The following SNX9 variants were observed in gnomAD, a reference collection of about 807,000 sequenced individuals.
SNX9 encodes the protein sorting nexin-9.
In SNX9, 44 loss-of-function variants were observed where a neutral mutation model predicts 89.4. That is an observed-to-expected ratio of 0.49 (90% CI 0.39 to 0.63). The LOEUF (loss-of-function observed/expected upper bound fraction) is 0.63, where lower values mean the gene tolerates loss of function less well. Among genes scored for constraint, SNX9 ranks in the 30% least tolerant of loss-of-function variants. The pLI is 0.00. For synonymous variants in SNX9, 236 were observed against 247.8 expected, an observed-to-expected ratio of 0.95 and a Z score of 0.45; for missense variants, 578 against 736.1, an observed-to-expected ratio of 0.79 and a Z score of 2.49.
At chr6:157,937,049 C>T (rs1269688224) in intron 14 of SNX9, among the ~76,000 whole-genome samples, 1 of 147,080 alleles carries the variant, frequency 6.8e-6, no homozygotes, top group African/African-American at 2.6e-5. Flanking sequence ...TTAAAATTAC[C>T]ACTTAAAATG....
intron 15 of SNX9, among the ~76,000 whole-genome samples, chr6:157,938,044 A>G (rs1197850697): frequency 6.6e-6 from 1 of 152,260 alleles, no homozygotes; most frequent in African/African-American, 2.4e-5. Flanking sequence ...ATGCATGAGT[A>G]TAGAGTTGTT....
At chr6:157,903,223 G>A (rs1238151455) in intron 6 of SNX9, among the ~76,000 whole-genome samples, 1 of 152,044 alleles carries the variant, frequency 6.6e-6, no homozygotes, top group Admixed American at 6.6e-5. Flanking sequence ...ATGATTCAAG[G>A]CAGATATCAA....
intron 13 of SNX9, among the ~76,000 whole-genome samples, chr6:157,932,774 G>T (rs1027648465): frequency 6.6e-6 from 1 of 150,804 alleles, no homozygotes; most frequent in Non-Finnish European, 1.5e-5. Flanking sequence ...GGCTGAGGTG[G>T]GAGGATCACT....
chr6:157,892,197 G>A (rs779937542), intron 4 of SNX9, among the ~76,000 whole-genome samples: 7 of 152,176 alleles, frequency 4.6e-5, no homozygotes, highest in African/African-American at 7.2e-5. Flanking sequence ...TTACCGTGAC[G>A]AGGTGTCTGT....
At chr6:157,901,750 A>T in intron 5 of SNX9, 148 bp from the exon 6 acceptor site, 1 of 811,770 alleles carries the variant, frequency 1.2e-6, no homozygotes, top group Non-Finnish European at 1.9e-6. Context: ...CTTAACATCC[A>T]TATTATACTC....
chr6:157,884,110 G>A (rs1782684646), intron 4 of SNX9, among the ~76,000 whole-genome samples: 1 of 152,122 alleles, frequency 6.6e-6, no homozygotes, highest in East Asian at 1.9e-4. Flanking sequence ...GTCCATCACT[G>A]GCCTGTTATT....
At chr6:157,910,891 G>C (rs1189511831) in intron 9 of SNX9, among the ~76,000 whole-genome samples, 1 of 152,168 alleles carries the variant, frequency 6.6e-6, no homozygotes, top group Non-Finnish European at 1.5e-5. Context: ...GGAGGCCGAG[G>C]CGGGCGGATC....
At chr6:157,847,601 G>A (rs1218802207) in intron 1 of SNX9, among the ~76,000 whole-genome samples, 4 of 152,116 alleles carry the variant, frequency 2.6e-5, no homozygotes, top group Admixed American at 1.3e-4. Flanking sequence ...GGAATGTGGG[G>A]AGGCCTTGCT....
At chr6:157,936,071 G>T in intron 14 of SNX9, 31 bp downstream of exon 14, 2 of 1,564,132 alleles carry the variant, frequency 1.3e-6, no homozygotes, top group Non-Finnish European at 8.8e-7. Flanking sequence ...TTCCAATTAA[G>T]ATTTGTTGCT....
intron 17 of SNX9, among the ~76,000 whole-genome samples, 180 bp from the exon 18 acceptor site, chr6:157,942,611 G>A (rs568456681): frequency 1.0e-3 from 159 of 152,350 alleles, no homozygotes; most frequent in Non-Finnish European, 1.4e-3. Flanking sequence ...CAGCGCTGCC[G>A]GTGTCATTCG....
At chr6:157,883,864 G>A (rs544020538) in intron 4 of SNX9, among the ~76,000 whole-genome samples, 1 of 152,192 alleles carries the variant, frequency 6.6e-6, no homozygotes, top group African/African-American at 2.4e-5. Context: ...AAATTATATT[G>A]CTTATTTGTA....
intron 1 of SNX9, among the ~76,000 whole-genome samples, chr6:157,841,187 T>C (rs1030039655): frequency 2.6e-5 from 4 of 152,228 alleles, no homozygotes; most frequent in African/African-American, 9.6e-5. Context: ...AATGAATCTT[T>C]ATTCTTTCAT....
At chr6:157,839,675 C>CCA (rs1330623434) in intron 1 of SNX9, among the ~76,000 whole-genome samples, 2 of 152,220 alleles carry the variant, frequency 1.3e-5, no homozygotes, top group Non-Finnish European at 2.9e-5. Context: ...AGTTCCCAGG[C>CCA]CACCGCCTCT....
intron 4 of SNX9, among the ~76,000 whole-genome samples, chr6:157,879,937 T>C (rs1782591109): frequency 6.6e-6 from 1 of 152,230 alleles, no homozygotes; most frequent in South Asian, 2.1e-4. Context: ...TAAACCTAGA[T>C]GTCTTATCTG....
intron 9 of SNX9, among the ~76,000 whole-genome samples, chr6:157,920,186 T>C (rs551941795): frequency 6.6e-6 from 1 of 152,342 alleles, no homozygotes; most frequent in South Asian, 2.1e-4. Context: ...CCAGACCCTT[T>C]TGTGTCTCCT....
At chr6:157,901,210 T>G (rs1783090863) in intron 5 of SNX9, among the ~76,000 whole-genome samples, 1 of 152,228 alleles carries the variant, frequency 6.6e-6, no homozygotes, top group East Asian at 1.9e-4. Flanking sequence ...CATGCAATTT[T>G]GTATTTACAA....
chr6:157,833,612 G>A (rs1338382840), intron 1 of SNX9, among the ~76,000 whole-genome samples: 3 of 152,162 alleles, frequency 2.0e-5, no homozygotes, highest in African/African-American at 4.8e-5. Context: ...ACAAATTGCT[G>A]TTTCATAAAT....
At chr6:157,857,254 C>T (rs1416594954) in intron 1 of SNX9, among the ~76,000 whole-genome samples, 3 of 152,260 alleles carry the variant, frequency 2.0e-5, no homozygotes, top group African/African-American at 7.2e-5. Flanking sequence ...CTTTTTGACA[C>T]AACCAGTAGG....
rs78736453 is a variant in SNX9, at chr6:157,900,248, G to A, written c.473-1650G>A. On this transcript the variant is annotated intron_variant, in intron 5 of 17. Transcript: ENST00000392185. The stretch of plus-strand genomic sequence containing the variant: ...TGAGTGCATTTTCATATACCTCTTG[G>A]CCATTTTTTGGTCTTCTTTGGAAAA... Among the ~76,000 whole-genome samples the A allele has an allele frequency of 3.9e-5, 6 of 151,974 alleles. No homozygotes were observed. In the East Asian group the frequency reaches 1.2e-3, roughly 29 times the overall value.
Sources: allele counts gnomAD v4.1 joint callset (sites outside exome capture counted in the v4.1 genomes callset), GRCh38; gene constraint gnomAD v4.1.1; transcripts MANE v1.5; gene names NCBI Gene and HGNC (gene_info 2026-07-23, HGNC 2026-07-21).